PIP5K1B: variants seen among roughly 807,000 people sequenced by gnomAD.
PIP5K1B encodes the protein phosphatidylinositol-4-phosphate 5-kinase type 1 beta, also known as phosphatidylinositol 4-phosphate 5-kinase type-1 beta.
A neutral mutation model predicts 67.0 loss-of-function variants in PIP5K1B; 42 were observed. The ratio of observed to expected loss-of-function variants is 0.63; its 90% CI spans 0.49 to 0.81. PIP5K1B has a LOEUF of 0.81. Ranked by LOEUF, PIP5K1B falls within the 30% of genes least tolerant of loss-of-function variation. The probability of loss-of-function intolerance (pLI) is 0.00; values close to 1 mark genes in which losing one functional copy is unlikely to be tolerated. For synonymous variants in PIP5K1B, 214 were observed against 231.4 expected, an observed-to-expected ratio of 0.92 and a Z score of 0.68; for missense variants, 459 against 646.3, an observed-to-expected ratio of 0.71 and a Z score of 3.14.
At chr9:68,925,236 T>G (rs1826630638) in intron 12 of PIP5K1B, among the ~76,000 whole-genome samples, 1 of 152,152 alleles carries the variant, frequency 6.6e-6, no homozygotes, top group Non-Finnish European at 1.5e-5. Context: ...CAGATAAACG[T>G]TGTGTCCAAA....
At chr9:68,729,529 G>A (rs1286580340) in intron 1 of PIP5K1B, among the ~76,000 whole-genome samples, 3 of 152,128 alleles carry the variant, frequency 2.0e-5, no homozygotes, top group African/African-American at 7.2e-5. Context: ...CTAAAAGGCA[G>A]TGAGAAAGGG....
At chr9:68,786,305 A>C (rs969659821) in intron 2 of PIP5K1B, 1 of 152,164 alleles carries the variant, frequency 6.6e-6, no homozygotes, top group Non-Finnish European at 1.5e-5. Context: ...CACTATTTTT[A>C]GTGCTTTACA....
chr9:68,879,519 G>T (rs577285524), intron 6 of PIP5K1B, among the ~76,000 whole-genome samples: 1 of 152,284 alleles, frequency 6.6e-6, no homozygotes, highest in Admixed American at 6.5e-5. Flanking sequence ...AGTGAGCCAA[G>T]TTCGGACCTC....
chr9:68,955,400 A>G (rs1828332958), intron 14 of PIP5K1B, among the ~76,000 whole-genome samples: 1 of 152,256 alleles, frequency 6.6e-6, no homozygotes, highest in Admixed American at 6.5e-5. Context: ...CAGCCCAGGC[A>G]CTGTGAGAGA....
rs1824148044 is a variant in PIP5K1B, at chr9:68,880,592, TACACACACACACACACACACACAC to T, written c.318+3799_318+3822del. Among the ~76,000 whole-genome samples, 26 of 77,090 alleles carry T rather than the reference TACACACACACACACACACACACAC, an allele frequency of 3.4e-4. No individual in the cohort carries two copies. In the East Asian group the frequency reaches 7.8e-3, roughly 23 times the overall value. The allele number at this position is 77,090 out of a possible 152,430, so 50.6% of individuals were successfully genotyped here. ...ACACACACACACACACACACACGCA[TACACACACACACACACACACACAC>T]GCATACACACACACACACACAAAAT... On this transcript the variant is annotated intron_variant, in intron 6 of 15. Coordinates refer to ENST00000265382, the MANE Select transcript of PIP5K1B (RefSeq NM_003558.4).
intron 6 of PIP5K1B, among the ~76,000 whole-genome samples, chr9:68,877,029 A>G (rs1339595280): frequency 2.0e-5 from 3 of 152,228 alleles, no homozygotes; most frequent in Non-Finnish European, 4.4e-5. Context: ...TAACTATAAT[A>G]TCAGTTGTGA....
At chr9:68,879,101 A>G (rs960096221) in intron 6 of PIP5K1B, among the ~76,000 whole-genome samples, 2 of 152,216 alleles carry the variant, frequency 1.3e-5, no homozygotes, top group African/African-American at 4.8e-5. Flanking sequence ...GATTGACAAG[A>G]TATTTGATGG....
chr9:68,845,104 C>G (rs1017856663), intron 4 of PIP5K1B, among the ~76,000 whole-genome samples: 10 of 152,192 alleles, frequency 6.6e-5, no homozygotes, highest in African/African-American at 2.4e-4. Context: ...TGGCAATTCT[C>G]TAAGCCAGCT....
intron 5 of PIP5K1B, among the ~76,000 whole-genome samples, chr9:68,866,419 A>G (rs992110516): frequency 6.6e-6 from 1 of 152,160 alleles, no homozygotes; most frequent in Middle Eastern, 3.4e-3. Flanking sequence ...GTGTGTGTGT[A>G]TACATATACA....
intron 4 of PIP5K1B, among the ~76,000 whole-genome samples, chr9:68,834,596 C>T (rs543602201): frequency 6.6e-5 from 10 of 152,110 alleles, no homozygotes; most frequent in South Asian, 4.1e-4. Flanking sequence ...CTTCTTAATT[C>T]TAAGATTGTT....
chr9:68,866,987 G>A (rs546022169), intron 5 of PIP5K1B, among the ~76,000 whole-genome samples: 2 of 152,292 alleles, frequency 1.3e-5, no homozygotes, highest in South Asian at 4.1e-4. Flanking sequence ...AAAATAGCCT[G>A]GGTCCTAGCA....
chr9:68,786,921 G>T (rs67457572), intron 2 of PIP5K1B, among the ~76,000 whole-genome samples: 17 of 151,916 alleles, frequency 1.1e-4, no homozygotes, highest in African/African-American at 4.1e-4. Flanking sequence ...CCAACCGGAA[G>T]GTTGGGATTC....
At chr9:68,995,098 C>T (rs1830545934) in intron 15 of PIP5K1B, among the ~76,000 whole-genome samples, 1 of 151,016 alleles carries the variant, frequency 6.6e-6, no homozygotes, top group Admixed American at 6.6e-5. Flanking sequence ...GAGCCATGAT[C>T]TAGTCACTGC....
intron 2 of PIP5K1B, chr9:68,783,602 A>C (rs964564264): frequency 6.0e-6 from 1 of 166,976 alleles, no homozygotes; most frequent in East Asian, 1.9e-4. Context: ...CAGGAAACCA[A>C]CATGTCATTG....
At chr9:68,851,197 T>G (rs1432579129) in intron 4 of PIP5K1B, among the ~76,000 whole-genome samples, 3 of 152,256 alleles carry the variant, frequency 2.0e-5, no homozygotes, top group Non-Finnish European at 2.9e-5. Context: ...CACTTTTTCT[T>G]TATTCTGCCT....
At chr9:68,770,766 T>C (rs1009941314) in intron 2 of PIP5K1B, among the ~76,000 whole-genome samples, 1 of 152,066 alleles carries the variant, frequency 6.6e-6, no homozygotes, top group Non-Finnish European at 1.5e-5. Flanking sequence ...GCCCACCCCA[T>C]CCCATGGGAA....
At chr9:68,869,118 A>G (rs976552933) in intron 5 of PIP5K1B, among the ~76,000 whole-genome samples, 11 of 152,242 alleles carry the variant, frequency 7.2e-5, no homozygotes, top group South Asian at 2.1e-4. Flanking sequence ...CTTATCCAAG[A>G]GTCCATCTTA....
At chr9:68,756,352 G>T (rs1160059015) in intron 2 of PIP5K1B, among the ~76,000 whole-genome samples, 1 of 152,184 alleles carries the variant, frequency 6.6e-6, no homozygotes, top group Non-Finnish European at 1.5e-5. Context: ...TGACACATTT[G>T]TGGAAAAAAT....
intron 1 of PIP5K1B, chr9:68,741,460 A>G (rs1045753935): frequency 6.6e-6 from 1 of 152,054 alleles, no homozygotes; most frequent in Non-Finnish European, 1.5e-5. Context: ...ATCCCAGAGC[A>G]CTCTGCCTTC....
Sources: allele counts gnomAD v4.1 joint callset (sites outside exome capture counted in the v4.1 genomes callset), GRCh38; gene constraint gnomAD v4.1.1; transcripts MANE v1.5; gene names NCBI Gene and HGNC (gene_info 2026-07-23, HGNC 2026-07-21).